GPHN: variants seen among roughly 807,000 people sequenced by gnomAD.
The protein encoded by GPHN is gephyrin.
GPHN carries 17 observed loss-of-function variants against 95.5 expected under a neutral mutation model. That is an observed-to-expected ratio of 0.18 (90% CI 0.12 to 0.27). GPHN has a LOEUF of 0.27. Ranked by LOEUF, GPHN falls within the 10% of genes least tolerant of loss-of-function variation. GPHN has a pLI of 1.00. For synonymous variants in GPHN, 320 were observed against 322.5 expected, an observed-to-expected ratio of 0.99 and a Z score of 0.08; for missense variants, 660 against 978.1, an observed-to-expected ratio of 0.67 and a Z score of 4.34.
At chr14:67,563,022 G>A in the GPHN span, 1 of 909,156 alleles carries the variant, frequency 1.1e-6, no homozygotes, top group Non-Finnish European at 1.6e-6. Flanking sequence ...TGGCAGGCAG[G>A]TACCATGGAG....
the GPHN span, among the ~76,000 whole-genome samples, chr14:67,420,377 G>A: frequency 1.3e-5 from 2 of 152,236 alleles, no homozygotes; most frequent in African/African-American, 4.8e-5. Context: ...CAATATCCAA[G>A]GCAGAGCTGT....
At chr14:66,863,228 G>A (rs922685485) in intron 4 of GPHN, among the ~76,000 whole-genome samples, 1 of 149,254 alleles carries the variant, frequency 6.7e-6, no homozygotes, top group Non-Finnish European at 1.5e-5. Flanking sequence ...ATTTACAATA[G>A]CCACAGAGAA....
chr14:67,432,869 G>A, the GPHN span, among the ~76,000 whole-genome samples: 5 of 152,096 alleles, frequency 3.3e-5, no homozygotes, highest in African/African-American at 1.2e-4. Context: ...CTGTCTGTGT[G>A]TCTTTGTTTT....
chr14:67,615,756 C>T, the GPHN span: 1 of 498,688 alleles, frequency 2.0e-6, no homozygotes, highest in Admixed American at 2.6e-5. Context: ...TTTAAGGATC[C>T]CAATGCACCC....
intron 1 of GPHN, among the ~76,000 whole-genome samples, chr14:66,605,034 A>T (rs2062451242): frequency 6.6e-6 from 1 of 152,096 alleles, no homozygotes; most frequent in Non-Finnish European, 1.5e-5. Context: ...GACACATTTC[A>T]GTCTTTTTAT....
chr14:66,624,054 C>G (rs1219733929), intron 1 of GPHN, among the ~76,000 whole-genome samples: 1 of 152,158 alleles, frequency 6.6e-6, no homozygotes, highest in Non-Finnish European at 1.5e-5. Flanking sequence ...TCGTCCTTTT[C>G]CACTCCCAGT....
chr14:66,521,541 G>C (rs10144449), intron 1 of GPHN, among the ~76,000 whole-genome samples: 47,310 of 152,050 alleles, frequency 0.31, 11,208 homozygotes, highest in African/African-American at 0.64. Flanking sequence ...AGGCCGGGAA[G>C]TCAAAGATCA....
At chr14:66,673,007 CT>C (rs2066385849) in intron 1 of GPHN, among the ~76,000 whole-genome samples, 1 of 152,000 alleles carries the variant, frequency 6.6e-6, no homozygotes, top group African/African-American at 2.4e-5. Context: ...ACTCTTCTAC[CT>C]TTTGTGTTTC....
At chr14:67,551,732 T>C in the GPHN span, among the ~76,000 whole-genome samples, 5 of 152,044 alleles carry the variant, frequency 3.3e-5, no homozygotes, top group African/African-American at 9.7e-5. Flanking sequence ...CTACTAAAAA[T>C]ACCAAAATTA....
At chr14:67,244,315 C>T in the GPHN span, among the ~76,000 whole-genome samples, 1 of 152,216 alleles carries the variant, frequency 6.6e-6, no homozygotes, top group African/African-American at 2.4e-5. Context: ...TTCAACATTA[C>T]TAGCTACAGC....
intron 8 of GPHN, among the ~76,000 whole-genome samples, chr14:66,952,288 ATGTAACTC>A (rs1253455596): frequency 6.6e-6 from 1 of 152,228 alleles, no homozygotes; most frequent in African/African-American, 2.4e-5. Flanking sequence ...ATCATACAAT[ATGTAACTC>A]TTTATGTCTA....
chr14:67,203,356 G>A, the GPHN span: 3 of 1,345,056 alleles, frequency 2.2e-6, no homozygotes, highest in African/African-American at 4.4e-5. Context: ...CTGTGGATCT[G>A]AAAACGGAAA....
At chr14:66,627,667 T>C (rs1351500964) in intron 1 of GPHN, among the ~76,000 whole-genome samples, 1 of 152,128 alleles carries the variant, frequency 6.6e-6, no homozygotes, top group Non-Finnish European at 1.5e-5. Flanking sequence ...TACTGTTTCA[T>C]GAGAAATGTA....
At chr14:67,541,742 C>T in the GPHN span, 1 of 837,772 alleles carries the variant, frequency 1.2e-6, no homozygotes, top group South Asian at 2.0e-5. Context: ...GCCCTGTTTT[C>T]TCTGTCCTTT....
At chr14:67,140,645 G>A (rs1049201598) in intron 17 of GPHN, among the ~76,000 whole-genome samples, 4 of 152,098 alleles carry the variant, frequency 2.6e-5, no homozygotes, top group African/African-American at 9.7e-5. Flanking sequence ...TACCCAGTCA[G>A]TATTTTGAAC....
chr14:67,033,216 A>G (rs1238153321), intron 10 of GPHN, among the ~76,000 whole-genome samples: 1 of 152,200 alleles, frequency 6.6e-6, no homozygotes, highest in Non-Finnish European at 1.5e-5. Context: ...AGGTCATTTG[A>G]AATTATTGTT....
the GPHN span, among the ~76,000 whole-genome samples, chr14:67,443,115 G>C: frequency 6.6e-6 from 1 of 152,144 alleles, no homozygotes; most frequent in African/African-American, 2.4e-5. Flanking sequence ...CAGCTACTTG[G>C]GAGGCTGAGG....
intron 9 of GPHN, among the ~76,000 whole-genome samples, chr14:66,986,693 A>G (rs1466956997): frequency 1.3e-5 from 2 of 152,156 alleles, no homozygotes; most frequent in African/African-American, 4.8e-5. Context: ...AGCAATAGTA[A>G]CTGTTAAATT....
intron 2 of GPHN, among the ~76,000 whole-genome samples, chr14:66,728,534 C>G (rs1051107893): frequency 6.6e-6 from 1 of 152,222 alleles, no homozygotes; most frequent in African/African-American, 2.4e-5. Flanking sequence ...TTTGCATCAG[C>G]ATTACCTGAA....
Sources: gnomAD v4.1 joint callset for allele counts (sites outside exome capture counted in the v4.1 genomes callset) on GRCh38, gnomAD v4.1.1 for gene constraint, MANE v1.5 for transcripts, NCBI Gene and HGNC (gene_info 2026-07-23, HGNC 2026-07-21) for gene names.